INPP4B: variants seen among roughly 807,000 people sequenced by gnomAD.
INPP4B encodes the protein inositol polyphosphate 4-phosphatase type II.
INPP4B carries 55 observed loss-of-function variants against 122.5 expected under a neutral mutation model. The observed-to-expected ratio is 0.45, with a 90% CI of 0.36 to 0.56. INPP4B has a LOEUF of 0.56. INPP4B is among the 20% of genes least tolerant of loss of function. The pLI is 0.00. For missense variants in INPP4B, 1,000 were observed against 1,097.7 expected, an observed-to-expected ratio of 0.91 and a Z score of 1.26; for synonymous variants, 403 against 388.7, an observed-to-expected ratio of 1.04 and a Z score of -0.43.
intron 2 of INPP4B, among the ~76,000 whole-genome samples, chr4:142,553,558 G>T (rs969518061): frequency 2.0e-5 from 3 of 152,310 alleles, no homozygotes; most frequent in Middle Eastern, 3.4e-3. Flanking sequence ...AGGAGCTGTG[G>T]AATAAATACC....
chr4:142,579,484 C>T (rs1045586983), intron 2 of INPP4B, among the ~76,000 whole-genome samples: 2 of 151,990 alleles, frequency 1.3e-5, no homozygotes, highest in East Asian at 1.9e-4. Flanking sequence ...TGTTTCTATA[C>T]AGCTGGCTTT....
chr4:142,030,267 T>C (rs1461179813), intron 25 of INPP4B: 1 of 1,535,474 alleles, frequency 6.5e-7, no homozygotes, highest in Non-Finnish European at 8.7e-7. Flanking sequence ...TGTTTCAGGA[T>C]CATCGGATTC....
At chr4:142,644,596 T>A (rs1370049335) in intron 2 of INPP4B, among the ~76,000 whole-genome samples, 1 of 151,652 alleles carries the variant, frequency 6.6e-6, no homozygotes, top group African/African-American at 2.4e-5. Context: ...ATTCTGTGAC[T>A]GAATTTAAAG....
chr4:142,622,235 G>A lies in INPP4B; in HGVS notation c.-191+103604C>T, dbSNP rs118145483. Among the ~76,000 whole-genome samples, 281 of 151,844 alleles carry A rather than the reference G, an allele frequency of 1.9e-3. 6 individuals are homozygous for A. The East Asian group carries it at 0.046, about 25-fold the overall frequency. Reference sequence around the variant, plus strand: ...TTAATGATGTAAATAAAACCATATTGCTAACACTGATACTTTTCATCACAT... The same window carrying A: ...TTAATGATGTAAATAAAACCATATTACTAACACTGATACTTTTCATCACAT... On this transcript the variant is annotated intron_variant, in intron 2 of 25. Transcript: ENST00000262992.
At chr4:142,486,946 A>G (rs1476342304) in intron 2 of INPP4B, among the ~76,000 whole-genome samples, 3 of 152,158 alleles carry the variant, frequency 2.0e-5, no homozygotes, top group Non-Finnish European at 2.9e-5. Flanking sequence ...TGATTTGTCT[A>G]TACTTACGTG....
chr4:142,582,203 A>AG (rs1212007278), intron 2 of INPP4B, among the ~76,000 whole-genome samples: 2 of 151,878 alleles, frequency 1.3e-5, no homozygotes, highest in Non-Finnish European at 2.9e-5. Context: ...TACAAAAAAA[A>AG]AAAAATCTAC....
chr4:142,396,153 T>C (rs1020138573), intron 7 of INPP4B, among the ~76,000 whole-genome samples: 10 of 152,154 alleles, frequency 6.6e-5, no homozygotes, highest in Non-Finnish European at 1.3e-4. Context: ...GTCAACAAAA[T>C]GTATTATTAA....
intron 5 of INPP4B, among the ~76,000 whole-genome samples, chr4:142,409,987 C>T (rs941813031): frequency 1.3e-5 from 2 of 152,156 alleles, no homozygotes; most frequent in African/African-American, 2.4e-5. Context: ...CAAAATACTG[C>T]TTTTTATAAA....
chr4:142,820,482 C>T (rs1435359464), intron 1 of INPP4B, among the ~76,000 whole-genome samples: 3 of 152,092 alleles, frequency 2.0e-5, no homozygotes, highest in African/African-American at 4.8e-5. Context: ...ATGCTGGCAC[C>T]ATGCTTCTTG....
chr4:142,570,223 T>C (rs1166774071), intron 2 of INPP4B, among the ~76,000 whole-genome samples: 1 of 152,122 alleles, frequency 6.6e-6, no homozygotes, highest in African/African-American at 2.4e-5. Context: ...ATTAATAATA[T>C]GTTCTCTTGG....
chr4:142,064,951 G>C (rs1394997662), intron 25 of INPP4B, among the ~76,000 whole-genome samples: 1 of 152,048 alleles, frequency 6.6e-6, no homozygotes, highest in Non-Finnish European at 1.5e-5. Flanking sequence ...CACAAATTCA[G>C]ATGTAAGAAA....
intron 7 of INPP4B, among the ~76,000 whole-genome samples, chr4:142,375,889 A>AG (rs560839144): frequency 3.3e-5 from 5 of 151,940 alleles, no homozygotes; most frequent in African/African-American, 4.8e-5. Flanking sequence ...TTGCTGCGTG[A>AG]GGGAAAAAAT....
chr4:142,763,855 A>G (rs1771698066), intron 1 of INPP4B, among the ~76,000 whole-genome samples: 1 of 152,140 alleles, frequency 6.6e-6, no homozygotes, highest in Non-Finnish European at 1.5e-5. Flanking sequence ...CAAAGAAGCA[A>G]TGTCAATAGT....
chr4:142,459,502 G>A (rs1485649604), intron 3 of INPP4B, among the ~76,000 whole-genome samples: 1 of 152,008 alleles, frequency 6.6e-6, no homozygotes, highest in Admixed American at 6.6e-5. Flanking sequence ...GACAATGGAG[G>A]ATTTAAAAAT....
chr4:142,698,222 AT>A, intron 2 of INPP4B, among the ~76,000 whole-genome samples: 1 of 152,008 alleles, frequency 6.6e-6, no homozygotes, highest in African/African-American at 2.4e-5. Context: ...GTTATAAACA[AT>A]TTTTTTCTGA....
intron 25 of INPP4B, among the ~76,000 whole-genome samples, chr4:142,075,021 T>C (rs936237470): frequency 1.3e-5 from 2 of 152,070 alleles, no homozygotes; most frequent in Non-Finnish European, 2.9e-5. Flanking sequence ...TTCTATGCTC[T>C]GGACTCATTT....
intron 1 of INPP4B, among the ~76,000 whole-genome samples, chr4:142,727,944 G>T (rs760656314): frequency 2.0e-5 from 3 of 152,104 alleles, no homozygotes; most frequent in Non-Finnish European, 4.4e-5. Context: ...GCGCTATTTG[G>T]TCTAAGAAAA....
chr4:142,256,467 TA>T (rs1179486974), intron 11 of INPP4B, among the ~76,000 whole-genome samples: 3 of 151,002 alleles, frequency 2.0e-5, no homozygotes, highest in Admixed American at 6.6e-5. Context: ...GCAAGACTAA[TA>T]AAGAAAAAAA....
intron 7 of INPP4B, among the ~76,000 whole-genome samples, chr4:142,402,200 G>C (rs556917184): frequency 2.0e-5 from 3 of 152,264 alleles, no homozygotes; most frequent in Non-Finnish European, 4.4e-5. Context: ...GTCTCTCATA[G>C]CTCCCTGCCT....
Sources: allele counts gnomAD v4.1 joint callset (sites outside exome capture counted in the v4.1 genomes callset), GRCh38; gene constraint gnomAD v4.1.1; transcripts MANE v1.5; gene names NCBI Gene and HGNC (gene_info 2026-07-23, HGNC 2026-07-21).